The following ANO6 variants were observed in gnomAD, a reference collection of about 807,000 sequenced individuals.
The protein encoded by ANO6 is anoctamin 6.
A neutral mutation model predicts 117.5 loss-of-function variants in ANO6; 106 were observed. That is an observed-to-expected ratio of 0.90 (90% confidence interval 0.77 to 1.06). ANO6 has a LOEUF of 1.06. Ranked by LOEUF, ANO6 falls within the 50% of genes least tolerant of loss-of-function variation. The pLI is 0.00. For missense variants in ANO6, 955 were observed against 1,121.1 expected (o/e 0.85, Z 2.12); for synonymous variants, 367 against 385.1 (o/e 0.95, Z 0.55).
intron 2 of ANO6, among the ~76,000 whole-genome samples, chr12:45,307,704 A>T (rs1402874736): frequency 1.3e-5 from 2 of 151,898 alleles, no homozygotes; most frequent in Non-Finnish European, 2.9e-5. Context: ...TAGAGAGGAG[A>T]TGCTGGACTG....
intron 10 of ANO6, among the ~76,000 whole-genome samples, chr12:45,386,699 G>A (rs1942308412): frequency 6.6e-6 from 1 of 152,206 alleles, no homozygotes; most frequent in Admixed American, 6.5e-5. Flanking sequence ...CCCCTGCAGA[G>A]CTCTTACCTG....
chr12:45,238,526 A>T (rs745682848), intron 1 of ANO6, among the ~76,000 whole-genome samples: 1 of 151,986 alleles, frequency 6.6e-6, no homozygotes, highest in African/African-American at 2.4e-5. Flanking sequence ...TTCCTAATTT[A>T]ATACTCTTTA....
chr12:45,409,296 T>C (rs1417300868), intron 15 of ANO6, 61 bp from the exon 16 acceptor site: 1 of 1,600,790 alleles, frequency 6.2e-7, no homozygotes, highest in African/African-American at 1.3e-5. Flanking sequence ...AGCAGCAAAA[T>C]ATTTTTATGA....
chr12:45,433,808 C>T (rs1943676893), downstream of ANO6, among the ~76,000 whole-genome samples: 1 of 152,176 alleles, frequency 6.6e-6, no homozygotes, highest in African/African-American at 2.4e-5. Flanking sequence ...CTTCGGATTC[C>T]ATGGAGCATT....
At chr12:45,264,700 G>A (rs2137219975) in intron 1 of ANO6, among the ~76,000 whole-genome samples, 1 of 152,174 alleles carries the variant, frequency 6.6e-6, no homozygotes, top group African/African-American at 2.4e-5. Flanking sequence ...AATTTTTTGT[G>A]GTACAGTAAA....
chr12:45,389,467 C>T (rs7296058), intron 11 of ANO6, among the ~76,000 whole-genome samples: 12,131 of 152,240 alleles, frequency 0.08, 767 homozygotes, highest in African/African-American at 0.17. Context: ...GAAGAAAAGA[C>T]AATTTGGTCA....
chr12:45,268,252 G>A (rs994255726), intron 1 of ANO6, among the ~76,000 whole-genome samples: 37 of 152,214 alleles, frequency 2.4e-4, no homozygotes, highest in African/African-American at 8.4e-4. Context: ...TGGGCACAGT[G>A]GCTCATGCCT....
intron 1 of ANO6, among the ~76,000 whole-genome samples, chr12:45,218,224 G>A (rs1330846511): frequency 1.3e-5 from 2 of 151,894 alleles, no homozygotes; most frequent in Non-Finnish European, 2.9e-5. Context: ...TTCCTGTGGG[G>A]CCCTGGGGTC....
At chr12:45,346,929 G>T in intron 3 of ANO6, 93 bp from the exon 4 acceptor site, 1 of 1,171,324 alleles carries the variant, frequency 8.5e-7, no homozygotes, top group Non-Finnish European at 1.3e-6. Context: ...GTCCACGCTA[G>T]TTTGATTTTG....
At chr12:45,407,480 T>TCCCCCCC (rs1942967284) in intron 15 of ANO6, among the ~76,000 whole-genome samples, 1 of 9,680 alleles carries the variant, frequency 1.0e-4, no homozygotes, top group Non-Finnish European at 1.8e-4. Context: ...GCTACCTGAG[T>TCCCCCCC]CACCCCCCCC....
intron 1 of ANO6, among the ~76,000 whole-genome samples, chr12:45,239,682 T>C (rs1464639881): frequency 6.6e-6 from 1 of 152,230 alleles, no homozygotes; most frequent in Non-Finnish European, 1.5e-5. Context: ...TTGTGGGCAT[T>C]TAGTGCTATA....
intron 8 of ANO6, among the ~76,000 whole-genome samples, chr12:45,360,676 A>G (rs571058712): frequency 6.6e-6 from 1 of 152,298 alleles, no homozygotes; most frequent in African/African-American, 2.4e-5. Context: ...CTTAGAAACC[A>G]TTCGTAATCC....
At chr12:45,308,667 C>T (rs1037517135) in intron 2 of ANO6, among the ~76,000 whole-genome samples, 2 of 151,984 alleles carry the variant, frequency 1.3e-5, no homozygotes, top group Non-Finnish European at 1.5e-5. Context: ...TTGATTTAAC[C>T]AATTTGGAGA....
intron 2 of ANO6, among the ~76,000 whole-genome samples, chr12:45,329,887 A>G: frequency 6.6e-6 from 1 of 152,254 alleles, no homozygotes; most frequent in African/African-American, 2.4e-5. Context: ...AATGAAAAAG[A>G]CATGGCTCAG....
downstream of ANO6, among the ~76,000 whole-genome samples, chr12:45,436,734 G>A (rs1267306848): frequency 1.3e-5 from 2 of 152,190 alleles, no homozygotes; most frequent in African/African-American, 4.8e-5. Context: ...TTGGGAGGCC[G>A]AGGCTGGTGG....
intron 1 of ANO6, among the ~76,000 whole-genome samples, chr12:45,253,069 A>G (rs2137192016): frequency 6.6e-6 from 1 of 152,312 alleles, no homozygotes; most frequent in Non-Finnish European, 1.5e-5. Flanking sequence ...TTAAAAGCTT[A>G]CCATGTCTAC....
chr12:45,347,288 G>A, intron 4 of ANO6: 1 of 556,116 alleles, frequency 1.8e-6, no homozygotes, highest in Admixed American at 3.2e-5. Context: ...TTTTTTAATA[G>A]CCAACGAATT....
chr12:45,270,941 A>G (rs1236193892), intron 1 of ANO6, among the ~76,000 whole-genome samples: 2 of 152,084 alleles, frequency 1.3e-5, no homozygotes, highest in Non-Finnish European at 2.9e-5. Context: ...GCTGGTCTTG[A>G]ACTCCTGACC....
chr12:45,262,719 C>T (rs11182954), intron 1 of ANO6, among the ~76,000 whole-genome samples: 7,540 of 152,242 alleles, frequency 0.05, 450 homozygotes, highest in East Asian at 0.32. Flanking sequence ...CCACTGCGCC[C>T]GGCTTTCCAG....
Sources: allele counts gnomAD v4.1 joint callset (sites outside exome capture counted in the v4.1 genomes callset), GRCh38; gene constraint gnomAD v4.1.1; transcripts MANE v1.5; gene names NCBI Gene and HGNC (gene_info 2026-07-23, HGNC 2026-07-21).